Variants in CEP76 observed in about 807,000 individuals in gnomAD.
CEP76 encodes the protein centrosomal protein 76, also known as centrosomal protein of 76 kDa.
Under a neutral mutation model 83.3 loss-of-function variants are expected in CEP76, and 55 were observed. The ratio of observed to expected loss-of-function variants is 0.66; its 90% CI spans 0.53 to 0.83. The LOEUF is 0.83. Ranked by LOEUF, CEP76 falls within the 40% of genes least tolerant of loss-of-function variation. The pLI, the probability that CEP76 is intolerant of heterozygous loss-of-function variation, is 0.00. For synonymous variants in CEP76, 270 were observed against 274.5 expected (o/e 0.98, Z 0.16); for missense variants, 694 against 799.5 (o/e 0.87, Z 1.59).
rs773673831 is a variant in CEP76 at position 12,691,502 on chromosome 18, A to C, written c.805-15T>G. ...TCCAAAGCAAGCTTGAAATTGAAAA[A>C]AATATTTTTCAATTTCTATTCATTA... On this transcript the variant is annotated splice_polypyrimidine_tract_variant and intron_variant, in intron 6 of 11. Transcript: ENST00000262127. 2.2e-5 allele frequency: 35 copies of C among 1,569,824 alleles called. No individual in the cohort carries two copies. The highest frequency in any genetic ancestry group is 2.8e-5 in the Non-Finnish European group (33 of 1,160,248).
chr18:12,674,802 T>A (rs1401165614), intron 10 of CEP76, 49 bp from the exon 11 acceptor site: 3 of 1,142,896 alleles, frequency 2.6e-6, no homozygotes, highest in African/African-American at 1.6e-5. Context: ...TTAATATTTT[T>A]AAAACCAACT....
intron 9 of CEP76, chr18:12,679,439 C>T (rs1030713975): frequency 2.0e-5 from 3 of 152,142 alleles, no homozygotes; most frequent in Admixed American, 6.6e-5. Context: ...GCACGAAGCA[C>T]ACTAGCAGGC....
At position 12,682,065 on chromosome 18, in the gene CEP76, T is replaced by C. The variant is rs142709730; in HGVS notation, c.1123-1237A>G. 2.4e-3 allele frequency among the ~76,000 whole-genome samples: 371 copies of C among 152,128 alleles called. 3 individuals are homozygous for C. The highest frequency in any genetic ancestry group is 0.014 in the South Asian group (69 of 4,818). ...TTCTGTGAAAAAAATTACCAAGATATTAAACACTATGGTTACAATTTCGTA... is the reference window on the plus strand; with the variant it reads ...TTCTGTGAAAAAAATTACCAAGATACTAAACACTATGGTTACAATTTCGTA... On this transcript the variant is annotated intron_variant, in intron 8 of 11. Coordinates refer to ENST00000262127, the MANE Select transcript of CEP76 (RefSeq NM_024899.4).
At chr18:12,675,401 A>T (rs988897720) in intron 10 of CEP76, among the ~76,000 whole-genome samples, 1 of 151,908 alleles carries the variant, frequency 6.6e-6, no homozygotes, top group Non-Finnish European at 1.5e-5. Context: ...GTCTCAAAAA[A>T]AATAAATAAA....
intron 4 of CEP76, among the ~76,000 whole-genome samples, chr18:12,697,653 C>T (rs1568032352): frequency 6.6e-6 from 1 of 152,180 alleles, no homozygotes; most frequent in Non-Finnish European, 1.5e-5. Flanking sequence ...TCAGTGCTTT[C>T]TGATTCATAA....
intron 7 of CEP76, among the ~76,000 whole-genome samples, chr18:12,687,864 A>G (rs527319285): frequency 1.3e-5 from 2 of 152,254 alleles, no homozygotes; most frequent in East Asian, 3.9e-4. Flanking sequence ...CTAGTGTGGT[A>G]TAAGAATACT....
downstream of CEP76, among the ~76,000 whole-genome samples, chr18:12,668,490 A>G (rs932511450): frequency 1.4e-5 from 2 of 146,976 alleles, no homozygotes; most frequent in African/African-American, 2.5e-5. Context: ...GGTCCCAGCT[A>G]TGGAGGCTAA....
intron 6 of CEP76, among the ~76,000 whole-genome samples, chr18:12,693,877 G>C (rs529486579): frequency 6.6e-6 from 1 of 152,262 alleles, no homozygotes; most frequent in East Asian, 1.9e-4. Flanking sequence ...CTGTAACCCA[G>C]GCTAGTGTGC....
downstream of CEP76, chr18:12,670,360 C>G (rs2038913335): frequency 6.6e-6 from 1 of 152,026 alleles, no homozygotes; most frequent in African/African-American, 2.4e-5. Context: ...TAGCAGACTT[C>G]TAGTGGTAAA....
In CEP76 at chr18:12,678,129, G is replaced by T. The variant is rs769159491; in HGVS notation, c.1603C>A (p.Leu535Met). The change falls in exon 10 of 12, where the codon CTG (leucine) becomes ATG (methionine). Residue 535 changes from leucine to methionine, a missense_variant. Transcript: ENST00000262127. Reference sequence around the variant, plus strand: ...ATTACCTTCCTGTGTTCTGACACCAGGAGCCTCAGCTGCATTTCAATTTCA... The same window carrying T: ...ATTACCTTCCTGTGTTCTGACACCATGAGCCTCAGCTGCATTTCAATTTCA... ...SNEIEMQLRL[L>M]VSEHRKDLGL... is the part of the protein sequence containing the mutation. 1 of 1,612,434 alleles carries T rather than the reference G, an allele frequency of 6.2e-7. No homozygotes were observed. The highest frequency in any genetic ancestry group is 1.7e-5 in the Admixed American group (1 of 59,988).
intron 5 of CEP76, 80 bp downstream of exon 5, chr18:12,697,143 A>C: frequency 9.5e-7 from 1 of 1,049,674 alleles, no homozygotes; most frequent in Middle Eastern, 2.2e-4. Flanking sequence ...GGATTATAAA[A>C]GCATTTTAAA....
chr18:12,678,155 T>C lies in CEP76; in HGVS notation c.1577A>G (p.Asn526Ser). ...ASTIDASVTSNEIEMQLRLLV... is the reference protein window; with the variant it reads ...ASTIDASVTSSEIEMQLRLLV... ...GAGCCTCAGCTGCATTTCAATTTCA[T>C]TACTTGTTACTGACGCGTCAATTGT... The change falls in exon 10 of 12, where the codon AAT (asparagine) becomes AGT (serine). Residue 526 changes from asparagine to serine, a missense_variant. Physicochemically the swap from Asn to Ser is conservative, Grantham distance 46. Coordinates refer to ENST00000262127, the MANE Select transcript of CEP76 (RefSeq NM_024899.4). 1.2e-6 allele frequency: 2 copies of C among 1,614,006 alleles called. No homozygotes were observed. Among genetic ancestry groups the C allele is most frequent in the Non-Finnish European group, 1.7e-6 (2 of 1,179,850 alleles).
At position 12,673,331 on chromosome 18, in the gene CEP76, A is replaced by T. The variant is rs2038996222; in HGVS notation, c.*34T>A. On this transcript the variant is annotated 3_prime_UTR_variant, in exon 12 of 12. Coordinates refer to ENST00000262127, the MANE Select transcript of CEP76 (RefSeq NM_024899.4). ...ATGTACAATGTGTAAAATTCCAATT[A>T]AACACAGGTATAAATCTTATATAAA... 2.5e-6 allele frequency: 4 copies of T among 1,570,320 alleles called. No individual in the cohort carries two copies. In the South Asian group the frequency reaches 4.7e-5, roughly 19 times the overall value.
At position 12,673,224 on chromosome 18, in the gene CEP76, C is replaced by T; in HGVS notation, c.*141G>A. 5.9e-6 allele frequency: 8 copies of T among 1,359,466 alleles called. No homozygotes were observed. Among genetic ancestry groups the T allele is most frequent in the South Asian group, 2.3e-5 (1 of 44,234 alleles). 84.2% of individuals were successfully genotyped at this position (1,359,466 alleles called of 1,614,324 possible). On this transcript the variant is annotated 3_prime_UTR_variant, in exon 12 of 12. Coordinates refer to ENST00000262127, the MANE Select transcript of CEP76 (RefSeq NM_024899.4). ...ATGCATGATTTTTTTTAAACATTAC[C>T]AGTCAAGTATATACAAAATTGAAGT... is the stretch of plus-strand genomic sequence containing the variant.
chr18:12,678,317 G>A lies in CEP76; in HGVS notation c.1415C>T (p.Ser472Phe). 1 of 1,614,174 alleles carries A rather than the reference G, an allele frequency of 6.2e-7. No homozygotes were observed. The highest frequency in any genetic ancestry group is 1.7e-5 in the Admixed American group (1 of 60,002). The stretch of plus-strand genomic sequence containing the variant: ...AAATACACAGGTTTCTACTGCATCA[G>A]AGGGTTGACAATTTCCCAGGAACAT... ...HQMFLGNCQPSDAVETCVFDL... is the reference protein window; with the variant it reads ...HQMFLGNCQPFDAVETCVFDL... The change falls in exon 10 of 12, where the codon TCT (serine) becomes TTT (phenylalanine). Residue 472 changes from serine to phenylalanine, a missense_variant. Coordinates refer to ENST00000262127, the MANE Select transcript of CEP76 (RefSeq NM_024899.4).
intron 12 of CEP76, among the ~76,000 whole-genome samples, chr18:12,664,819 C>T (rs980916902): frequency 1.3e-5 from 2 of 151,724 alleles, no homozygotes; most frequent in Non-Finnish European, 2.9e-5. Flanking sequence ...CTGCCTCAGC[C>T]TCCTGAGTAG....
At chr18:12,664,637 G>A (rs1487623299) in intron 12 of CEP76, among the ~76,000 whole-genome samples, 3 of 151,778 alleles carry the variant, frequency 2.0e-5, no homozygotes, top group Non-Finnish European at 4.4e-5. Flanking sequence ...CTCCCGCCTT[G>A]GCCTCCCAAA....
intron 8 of CEP76, among the ~76,000 whole-genome samples, chr18:12,683,428 A>G (rs1011973175): frequency 4.6e-5 from 7 of 151,970 alleles, no homozygotes; most frequent in Non-Finnish European, 7.4e-5. Flanking sequence ...AGTTCCTACA[A>G]TAGGGAAATA....
rs902028395 is a variant in CEP76 at position 12,680,611 on chromosome 18, A to C, written c.1289+51T>G. 73 of 1,403,630 alleles carry C rather than the reference A, an allele frequency of 5.2e-5. No individual in the cohort carries two copies. In the African/African-American group the frequency reaches 7.7e-4, roughly 15 times the overall value. 86.9% of individuals were successfully genotyped at this position (1,403,630 alleles called of 1,614,324 possible). ...GACTCCATCTCAAAAAAAAAAAAAA[A>C]AAAAAACTTATAACTTCATTTTAAT... On this transcript the variant is annotated intron_variant, in intron 9 of 11. Coordinates refer to ENST00000262127, the MANE Select transcript of CEP76 (RefSeq NM_024899.4).
Sources: allele counts gnomAD v4.1 joint callset (sites outside exome capture counted in the v4.1 genomes callset), GRCh38; gene constraint gnomAD v4.1.1; transcripts MANE v1.5; gene names NCBI Gene and HGNC (gene_info 2026-07-23, HGNC 2026-07-21).